Variants in GRIN3B observed in about 807,000 individuals in gnomAD.
GRIN3B encodes glutamate ionotropic receptor NMDA type subunit 3B, also known as glutamate receptor ionotropic, NMDA 3B.
Under a neutral mutation model 66.0 loss-of-function variants are expected in GRIN3B, and 77 were observed. That is an observed-to-expected ratio of 1.17 (90% CI 0.97 to 1.41). The LOEUF (loss-of-function observed/expected upper bound fraction) is 1.41, where lower values mean the gene tolerates loss of function less well. Ranked by LOEUF, GRIN3B falls within the 40% of genes most tolerant of loss-of-function variation. The probability of loss-of-function intolerance (pLI) is 0.00; values close to 1 mark genes in which losing one functional copy is unlikely to be tolerated. For missense variants in GRIN3B, 1,787 were observed against 1,564.5 expected, an observed-to-expected ratio of 1.14 and a Z score of -2.40; for synonymous variants, 823 against 749.7, an observed-to-expected ratio of 1.10 and a Z score of -1.60.
Position 1,005,357 on chromosome 19 carries a change from C to T in GRIN3B, c.1856C>T (p.Ala619Val). The change falls in exon 3 of 9, where the codon GCC becomes GTC. Residue 619 changes from alanine (A) to valine (V), a missense_variant. Ala to Val is a moderately conservative substitution (Grantham distance 64, BLOSUM62 0). Coordinates refer to ENST00000234389, the MANE Select transcript of GRIN3B (RefSeq NM_138690.3). The surrounding 1 kb of genome is among the most constrained non-coding windows in gnomAD (Gnocchi z 5.2). The stretch of plus-strand genomic sequence containing the variant: ...AGCACCGTCTTCTCCTACTCCTCAG[C>T]CCTCAACCTGTGCTACGCCATCCTC... ...NRSTVFSYSS[A>V]LNLCYAILFR... The T allele has an allele frequency of 1.2e-6, 2 of 1,613,794 alleles. No homozygotes were observed. Among genetic ancestry groups the T allele is most frequent in the Non-Finnish European group, 1.7e-6 (2 of 1,180,008 alleles).
rs1191120068 is a variant in GRIN3B at position 1,005,260 on chromosome 19, C to G, written c.1759C>G (p.Leu587Val). ...TWLGVFAALH[L>V]TALFLTVYEW... is the part of the protein sequence containing the mutation. ...GCTGGGCGTCTTTGCGGCCCTGCAC[C>G]TCACCGCGCTCTTCCTCACCGTGTA... Residue 587 changes from leucine (L) to valine (V), a missense_variant, in exon 3 of 9, where the codon CTC becomes GTC. By Grantham distance (32) the Leu-to-Val change is conservative (BLOSUM62 1). Coordinates refer to ENST00000234389, the MANE Select transcript of GRIN3B (RefSeq NM_138690.3). This position sits in a 1 kb window ranked among gnomAD's most constrained non-coding sequence, Gnocchi z 5.2. 6.2e-7 allele frequency: 1 copy of G among 1,613,334 alleles called. No individual in the cohort carries two copies. The highest frequency in any genetic ancestry group is 1.1e-5 in the South Asian group (1 of 91,070).
chr19:1,003,845 G>A (rs1051400362), intron 2 of GRIN3B, 123 bp downstream of exon 2: 7 of 724,322 alleles, frequency 9.7e-6, no homozygotes, highest in African/African-American at 1.9e-5. Flanking sequence ...CCAGCACTTC[G>A]GAAGGCCGAG....
chr19:1,008,324 G>A (rs761820987), intron 6 of GRIN3B, 33 bp downstream of exon 6: 23 of 1,055,202 alleles, frequency 2.2e-5, no homozygotes, highest in Non-Finnish European at 3.2e-5. Flanking sequence ...GGGTGGGGGT[G>A]GGGGTGGGCG....
At position 1,000,583 on chromosome 19, in the gene GRIN3B, C is replaced by T. The variant is rs1331993554; in HGVS notation, c.146C>T (p.Ala49Val). ...LGALLPRAPL[A>V]RARARAALAR... is the part of the protein sequence containing the mutation. ...GCCCTCCTGCCCCGCGCGCCTCTCGCCCGCGCCCGCGCCCGCGCCGCCCTG... is the reference window on the plus strand; with the variant it reads ...GCCCTCCTGCCCCGCGCGCCTCTCGTCCGCGCCCGCGCCCGCGCCGCCCTG... Residue 49 changes from alanine (A) to valine (V), a missense_variant, in exon 1 of 9, where the codon GCC becomes GTC. Coordinates refer to ENST00000234389, the MANE Select transcript of GRIN3B (RefSeq NM_138690.3). The T allele has an allele frequency of 1.1e-5, 11 of 1,009,896 alleles. No individual in the cohort carries two copies. The highest frequency in any genetic ancestry group is 1.3e-5 in the Non-Finnish European group (11 of 848,170). The allele number at this position is 1,009,896 out of a possible 1,614,324, so 62.6% of individuals were successfully genotyped here.
chr19:1,009,658 T>TCAA lies in GRIN3B; in HGVS notation c.*59_*61dup, dbSNP rs2038828144. On this transcript the variant is annotated 3_prime_UTR_variant, in exon 9 of 9. Transcript: ENST00000234389. ...ACACACACAGCGCAGTGAGCCGCTG[T>TCAA]CAACAGACAGTTTATTCTATATACA... 5 of 1,293,450 alleles carry TCAA rather than the reference T, an allele frequency of 3.9e-6. No individual in the cohort carries two copies. Among genetic ancestry groups the TCAA allele is most frequent in the Non-Finnish European group, 5.0e-6 (5 of 1,001,466 alleles). 80.1% of individuals were successfully genotyped at this position (1,293,450 alleles called of 1,614,324 possible).
In GRIN3B at chr19:1,003,228, C is replaced by A; in HGVS notation, c.525C>A (p.Gly175=). The change falls in exon 2 of 9, where the codon GGC becomes GGA. Residue 175 remains glycine, a synonymous_variant. Coordinates refer to ENST00000234389, the MANE Select transcript of GRIN3B (RefSeq NM_138690.3). ...AGGCGCACGCCTGGGAAGACGTCGG[C>A]CTGGCCCTGTGCCGCACTCAGGACC... The part of the protein sequence containing the change: ...VLQAHAWEDV[G]LALCRTQDPG... The A allele has an allele frequency of 6.4e-7, 1 of 1,574,792 alleles. No individual in the cohort carries two copies.
At chr19:1,008,982 A>C in intron 8 of GRIN3B, 55 bp downstream of exon 8, 1 of 1,548,392 alleles carries the variant, frequency 6.5e-7, no homozygotes, top group Non-Finnish European at 8.7e-7. Context: ...CCACCACCCC[A>C]CCAGCTCGCC....
At position 1,007,689 on chromosome 19, in the gene GRIN3B, A is replaced by C. The variant is rs747179788; in HGVS notation, c.2114A>C (p.Tyr705Ser). The C allele has an allele frequency of 2.3e-5, 35 of 1,537,310 alleles. 2 individuals carry two copies. In the South Asian group the frequency reaches 3.6e-4, roughly 16 times the overall value. ...GTGTGGGAGAGCAGCGCCGAGGCGT[A>C]CATCAAGAAGAGCTTCCCCGACATG... The part of the protein sequence containing the change: ...GTVWESSAEA[Y>S]IKKSFPDMHA... The change falls in exon 4 of 9, where the codon TAC (tyrosine) becomes TCC (serine). Residue 705 changes from tyrosine to serine, a missense_variant. By Grantham distance (144) the Tyr-to-Ser change is moderately radical (BLOSUM62 -2). Coordinates refer to ENST00000234389, the MANE Select transcript of GRIN3B (RefSeq NM_138690.3). The surrounding 1 kb of genome is among the most constrained non-coding windows in gnomAD (Gnocchi z 4.4).
intron 7 of GRIN3B, 23 bp downstream of exon 7, chr19:1,008,805 G>A: frequency 6.3e-7 from 1 of 1,595,392 alleles, no homozygotes; most frequent in Non-Finnish European, 8.5e-7. Context: ...TGGGCGGCGG[G>A]CGGCCCCACC....
intron 7 of GRIN3B, 26 bp downstream of exon 7, chr19:1,008,808 G>C (rs1271083473): frequency 6.3e-7 from 1 of 1,594,574 alleles, no homozygotes; most frequent in East Asian, 2.3e-5. Context: ...GCGGCGGGCG[G>C]CCCCACCCCC....
rs1445409079 is a variant in GRIN3B at position 1,008,858 on chromosome 19, A to C, written c.2633A>C (p.Lys878Thr). The C allele has an allele frequency of 6.2e-7, 1 of 1,607,838 alleles. No individual in the cohort carries two copies. The highest frequency in any genetic ancestry group is 1.1e-5 in the South Asian group (1 of 90,440). ...AACCGGGTCTGTCTGGGGTCTTAGA[A>C]AATCCACCGCGCCCTCAACACGGAG... ...RLQYWLHTSQ[K>T]IHRALNTEPP... The change falls in exon 8 of 9, where the codon AAA (lysine) becomes ACA (threonine). Residue 878 changes from lysine (K) to threonine (T), a missense_variant and splice_region_variant. Lys to Thr is a moderately conservative substitution (Grantham distance 78). Transcript: ENST00000234389.
chr19:1,007,301 A>G lies in GRIN3B; in HGVS notation c.2053-327A>G, dbSNP rs2038760514. Among the ~76,000 whole-genome samples, 1 of 151,910 alleles carries G rather than the reference A, an allele frequency of 6.6e-6. No individual in the cohort carries two copies. Among genetic ancestry groups the G allele is most frequent in the Non-Finnish European group, 1.5e-5 (1 of 67,922 alleles). ...AGAGTGGGGCTCCCGTGGGACCCCC[A>G]GGGGAGAGGCAGAGGAGGTGGTGGG... On this transcript the variant is annotated intron_variant, in intron 3 of 8. Coordinates refer to ENST00000234389, the MANE Select transcript of GRIN3B (RefSeq NM_138690.3). This position sits in a 1 kb window ranked among gnomAD's most constrained non-coding sequence, Gnocchi z 4.4.
intron 1 of GRIN3B, among the ~76,000 whole-genome samples, chr19:1,001,504 G>A (rs2038684142): frequency 6.6e-6 from 1 of 151,918 alleles, no homozygotes; most frequent in South Asian, 2.1e-4. Flanking sequence ...GGAGGAAACG[G>A]AAGAAGAGAA....
At chr19:1,008,388 A>G (rs899058945) in intron 6 of GRIN3B, 97 bp downstream of exon 6, 26 of 1,218,058 alleles carry the variant, frequency 2.1e-5, no homozygotes, top group South Asian at 4.2e-5. Context: ...CATTCCCCAG[A>G]CGTGCGTTTG....
chr19:1,009,125 C>T (rs1228343150), intron 8 of GRIN3B, 48 bp from the exon 9 acceptor site: 6 of 1,440,614 alleles, frequency 4.2e-6, no homozygotes, highest in South Asian at 2.9e-5. Context: ...GCCCAGGGCG[C>T]GAGACGGCTG....
rs1307114472 is a variant in GRIN3B, at chr19:1,007,329, A to G, written c.2053-299A>G. On this transcript the variant is annotated intron_variant, in intron 3 of 8. Coordinates refer to ENST00000234389, the MANE Select transcript of GRIN3B (RefSeq NM_138690.3). The surrounding 1 kb of genome is among the most constrained non-coding windows in gnomAD (Gnocchi z 4.4). ...GGAGAGGCAGAGGAGGTGGTGGGAT[A>G]GGCGTCCAGCCCAGGGCGAGGTCCA... 2.6e-5 allele frequency among the ~76,000 whole-genome samples: 4 copies of G among 151,958 alleles called. No homozygotes were observed. The highest frequency in any genetic ancestry group is 7.3e-5 in the African/African-American group (3 of 41,346).
rs761787718 is a variant in GRIN3B, at chr19:1,004,614, G to A, written c.1113G>A (p.Trp371Ter). 1.9e-6 allele frequency: 3 copies of A among 1,605,622 alleles called. No homozygotes were observed. Among genetic ancestry groups the A allele is most frequent in the Non-Finnish European group, 2.5e-6 (3 of 1,176,740 alleles). ...QVHMSRHFKV[W>*]SLRRDPRGAP... is the part of the protein sequence containing the mutation. ...ACATGTCTCGGCACTTTAAGGTGTGGAGCCTTCGCCGGGACCCACGGGGCG... is the reference window on the plus strand; with the variant it reads ...ACATGTCTCGGCACTTTAAGGTGTGAAGCCTTCGCCGGGACCCACGGGGCG... The change falls in exon 3 of 9, where the codon TGG becomes TGA. Residue 371 changes from tryptophan (W) to a stop codon, truncating the protein, a stop_gained. Transcript: ENST00000234389. LOFTEE classifies it high-confidence loss of function.
intron 6 of GRIN3B, 26 bp downstream of exon 6, chr19:1,008,317 TG>T (rs750343605): frequency 4.8e-5 from 4 of 83,154 alleles, no homozygotes; most frequent in African/African-American, 4.8e-4. Context: ...GGACAGAGGG[TG>T]GGGGTGGGGG....
intron 2 of GRIN3B, among the ~76,000 whole-genome samples, chr19:1,004,251 G>C (rs1230756642): frequency 6.6e-6 from 1 of 152,196 alleles, no homozygotes; most frequent in African/African-American, 2.4e-5. Flanking sequence ...ACAACTCCTG[G>C]AAACAGGTGA....
Sources: allele counts gnomAD v4.1 joint callset (sites outside exome capture counted in the v4.1 genomes callset), GRCh38; gene constraint gnomAD v4.1.1; non-coding constraint Gnocchi (gnomAD v3.1); transcripts MANE v1.5; gene names NCBI Gene and HGNC (gene_info 2026-07-23, HGNC 2026-07-21).